Variants in SLC22A3 observed in about 807,000 individuals in gnomAD.
SLC22A3 encodes EMT organic cation transporter 3.
SLC22A3 carries 51 observed loss-of-function variants against 59.1 expected under a neutral mutation model. The ratio of observed to expected loss-of-function variants is 0.86; its 90% CI spans 0.69 to 1.09. The LOEUF (loss-of-function observed/expected upper bound fraction) is 1.09. Among genes scored for constraint, SLC22A3 ranks in the 50% least tolerant of loss-of-function variants. The pLI is 0.00. For missense variants in SLC22A3, 711 were observed against 726.3 expected (o/e 0.98, Z 0.24); for synonymous variants, 325 against 292.0 (o/e 1.11, Z -1.15).
chr6:160,447,962 T>TAGATACAAA (rs1788809205), intron 10 of SLC22A3, 144 bp downstream of exon 10: 30 of 728,946 alleles, frequency 4.1e-5, no homozygotes, highest in Non-Finnish European at 7.2e-5. Flanking sequence ...AAATTCAAAG[T>TAGATACAAA]AGATACAAAA....
chr6:160,350,030 A>T (rs1784608658), intron 1 of SLC22A3, among the ~76,000 whole-genome samples: 1 of 152,134 alleles, frequency 6.6e-6, no homozygotes, highest in Non-Finnish European at 1.5e-5. Flanking sequence ...TTGCAATTGT[A>T]CATGTTTTAT....
chr6:160,435,955 G>A (rs1788320421), intron 5 of SLC22A3, among the ~76,000 whole-genome samples: 1 of 152,174 alleles, frequency 6.6e-6, no homozygotes, highest in African/African-American at 2.4e-5. Context: ...CTGTTGTACA[G>A]GTGCTAGGAT....
intron 1 of SLC22A3, among the ~76,000 whole-genome samples, chr6:160,394,678 A>C (rs10499314): frequency 0.21 from 32,223 of 152,292 alleles, 3,585 homozygotes; most frequent in Admixed American, 0.31. Flanking sequence ...TAGGTATTTT[A>C]ACCAGAGAGG....
At chr6:160,384,982 G>A (rs771743013) in intron 1 of SLC22A3, among the ~76,000 whole-genome samples, 6 of 152,192 alleles carry the variant, frequency 3.9e-5, no homozygotes, top group East Asian at 1.9e-4. Context: ...AGCGCTCCGG[G>A]TCCTGCTCAC....
intron 1 of SLC22A3, among the ~76,000 whole-genome samples, chr6:160,356,228 G>C (rs766885073): frequency 9.9e-5 from 15 of 152,152 alleles, no homozygotes; most frequent in Non-Finnish European, 2.1e-4. Flanking sequence ...CATCCATGAG[G>C]TGTGATCAGT....
intron 1 of SLC22A3, among the ~76,000 whole-genome samples, chr6:160,352,096 G>A (rs971657272): frequency 2.0e-5 from 3 of 152,224 alleles, no homozygotes; most frequent in East Asian, 1.9e-4. Flanking sequence ...ACTGGCAGAT[G>A]GGGAGGCTGT....
At chr6:160,378,999 G>A (rs1002671531) in intron 1 of SLC22A3, among the ~76,000 whole-genome samples, 2 of 152,164 alleles carry the variant, frequency 1.3e-5, no homozygotes, top group South Asian at 4.1e-4. Flanking sequence ...GTCGAAAATC[G>A]CCAAGTTGAA....
In SLC22A3 at chr6:160,399,768, G is replaced by A. The variant is rs572265418; in HGVS notation, c.533+1686G>A. ...TCCTGTTCAGCCTATAAGGAGCTTAGAATTTGCCACTCAGTCTTGACAACA... is the reference window on the plus strand; with the variant it reads ...TCCTGTTCAGCCTATAAGGAGCTTAAAATTTGCCACTCAGTCTTGACAACA... On this transcript the variant is annotated intron_variant, in intron 2 of 10. Coordinates refer to ENST00000275300, the MANE Select transcript of SLC22A3 (RefSeq NM_021977.4). Among the ~76,000 whole-genome samples, 3 of 152,272 alleles carry A rather than the reference G, an allele frequency of 2.0e-5. No individual in the cohort carries two copies. The South Asian group carries it at 6.2e-4, about 32-fold the overall frequency.
intron 1 of SLC22A3, among the ~76,000 whole-genome samples, chr6:160,382,831 G>A (rs1339912224): frequency 6.6e-6 from 1 of 152,096 alleles, no homozygotes; most frequent in African/African-American, 2.4e-5. Flanking sequence ...AGTAGATAGG[G>A]AATCTCAACA....
chr6:160,423,551 A>G (rs1240952826), intron 5 of SLC22A3, among the ~76,000 whole-genome samples: 2 of 152,112 alleles, frequency 1.3e-5, no homozygotes, highest in African/African-American at 2.4e-5. Flanking sequence ...ATGGTATCTC[A>G]TTATGGTTTT....
chr6:160,377,095 A>G (rs1324552807), intron 1 of SLC22A3, among the ~76,000 whole-genome samples: 1 of 152,194 alleles, frequency 6.6e-6, no homozygotes, highest in Non-Finnish European at 1.5e-5. Flanking sequence ...CGGGGAGACT[A>G]GAAACAAGAT....
intron 1 of SLC22A3, among the ~76,000 whole-genome samples, chr6:160,377,278 A>C (rs1426015281): frequency 6.6e-6 from 1 of 152,140 alleles, no homozygotes; most frequent in African/African-American, 2.4e-5. Context: ...TGAGGTCAGG[A>C]GTTCGAGACC....
chr6:160,449,224 TTTTG>T (rs1788859995), intron 10 of SLC22A3, among the ~76,000 whole-genome samples: 1 of 152,260 alleles, frequency 6.6e-6, no homozygotes, highest in East Asian at 1.9e-4. Flanking sequence ...TTGTTTTTGT[TTTTG>T]TTTGTTTTTG....
chr6:160,448,729 A>C (rs1385113084), intron 10 of SLC22A3, among the ~76,000 whole-genome samples: 3 of 152,184 alleles, frequency 2.0e-5, no homozygotes, highest in African/African-American at 7.2e-5. Context: ...TATGAATATG[A>C]GAATGTATAG....
intron 10 of SLC22A3, among the ~76,000 whole-genome samples, chr6:160,450,770 G>A (rs992362082): frequency 6.6e-6 from 1 of 151,654 alleles, no homozygotes; most frequent in African/African-American, 2.4e-5. Context: ...CCTCTGCTGT[G>A]GCTCCAGCTG....
At chr6:160,435,315 C>T (rs1192294178) in intron 5 of SLC22A3, among the ~76,000 whole-genome samples, 1 of 152,132 alleles carries the variant, frequency 6.6e-6, no homozygotes, top group Non-Finnish European at 1.5e-5. Context: ...TTTTATGTAC[C>T]ACTAAGTAAA....
At chr6:160,438,294 A>G (rs1398245038) in intron 7 of SLC22A3, among the ~76,000 whole-genome samples, 1 of 152,152 alleles carries the variant, frequency 6.6e-6, no homozygotes, top group Non-Finnish European at 1.5e-5. Flanking sequence ...TTCACATCCC[A>G]GGGGATGTGT....
chr6:160,401,256 G>A (rs373605082), intron 2 of SLC22A3, among the ~76,000 whole-genome samples: 3 of 151,888 alleles, frequency 2.0e-5, no homozygotes, highest in East Asian at 1.9e-4. Flanking sequence ...TAGTTATATC[G>A]TAGTCAAACT....
chr6:160,444,395 G>C (rs1310654629), intron 9 of SLC22A3, among the ~76,000 whole-genome samples: 1 of 152,098 alleles, frequency 6.6e-6, no homozygotes, highest in Admixed American at 6.5e-5. Flanking sequence ...TAAGCCTAAT[G>C]TCTAATTGTA....
Sources: gnomAD v4.1 joint callset for allele counts (sites outside exome capture counted in the v4.1 genomes callset) on GRCh38, gnomAD v4.1.1 for gene constraint, MANE v1.5 for transcripts, NCBI Gene and HGNC (gene_info 2026-07-23, HGNC 2026-07-21) for gene names.